The following COLEC10 variants were observed in gnomAD, a reference collection of about 807,000 sequenced individuals.
COLEC10 encodes collectin-10.
COLEC10 carries 22 observed loss-of-function variants against 28.4 expected under a neutral mutation model. The ratio of observed to expected loss-of-function variants is 0.78; its 90% CI spans 0.55 to 1.11. The LOEUF is 1.11. Ranked by LOEUF, COLEC10 falls within the 50% of genes least tolerant of loss-of-function variation. The pLI, the probability that COLEC10 is intolerant of heterozygous loss-of-function variation, is 0.00. For synonymous variants in COLEC10, 125 were observed against 116.1 expected (o/e 1.08, Z -0.49); for missense variants, 361 against 344.1 (o/e 1.05, Z -0.39).
chr8:119,025,351 A>C (rs1462464126), intron 2 of COLEC10, among the ~76,000 whole-genome samples: 1 of 152,158 alleles, frequency 6.6e-6, no homozygotes, highest in Non-Finnish European at 1.5e-5. Context: ...TTGGTACTGC[A>C]CTCTGCTAAG....
chr8:119,097,331 C>T (rs1240952886), intron 3 of COLEC10, among the ~76,000 whole-genome samples: 2 of 151,598 alleles, frequency 1.3e-5, no homozygotes, highest in African/African-American at 2.4e-5. Flanking sequence ...TATCTGACTA[C>T]GTTATCCCTC....
chr8:118,994,147 T>G (rs183501878), upstream of COLEC10, among the ~76,000 whole-genome samples: 1 of 152,192 alleles, frequency 6.6e-6, no homozygotes, highest in Non-Finnish European at 1.5e-5. Flanking sequence ...TCCTCCCATC[T>G]GCTTTCTAAG....
At chr8:118,994,809 T>C (rs753201244), upstream of COLEC10, among the ~76,000 whole-genome samples, 1 of 152,224 alleles carries the variant, frequency 6.6e-6, no homozygotes, top group Non-Finnish European at 1.5e-5. Context: ...GTTATGTATT[T>C]ATTTTAATTA....
chr8:119,062,769 T>G (rs1215942341), upstream of COLEC10, among the ~76,000 whole-genome samples: 5 of 152,208 alleles, frequency 3.3e-5, no homozygotes, highest in African/African-American at 1.2e-4. Flanking sequence ...TGAGAGCCAC[T>G]GTGCCTAGCC....
chr8:119,007,832 T>C (rs1006258741), intron 1 of COLEC10, among the ~76,000 whole-genome samples: 3 of 150,946 alleles, frequency 2.0e-5, no homozygotes, highest in East Asian at 1.9e-4. Context: ...TGCCTTTAGA[T>C]TGATTACTTA....
chr8:119,047,070 C>A (rs1359916747), intron 2 of COLEC10, among the ~76,000 whole-genome samples: 1 of 152,174 alleles, frequency 6.6e-6, no homozygotes, highest in South Asian at 2.1e-4. Flanking sequence ...TTAAGTAATT[C>A]AGCACTTCTA....
chr8:119,086,507 C>T (rs948281160), intron 1 of COLEC10, among the ~76,000 whole-genome samples: 1 of 152,108 alleles, frequency 6.6e-6, no homozygotes, highest in Non-Finnish European at 1.5e-5. Context: ...AAGTTGTTTA[C>T]TTCATCTGTG....
rs574279923 is a variant in COLEC10 at position 119,059,336 on chromosome 8, A to G, written n.236-30344A>G. ...TTTTTTCAAGAAGTTTTATAGTTTT[A>G]TCTTTTATATGTAAGCCTTTGATAC... is the stretch of plus-strand genomic sequence containing the variant. On this transcript the variant is annotated intron_variant and non_coding_transcript_variant, in intron 2 of 6. Coordinates refer to the COLEC10 transcript ENST00000521788. Among the ~76,000 whole-genome samples, 347 of 151,886 alleles carry G rather than the reference A, an allele frequency of 2.3e-3. 3 individuals carry two copies. Among genetic ancestry groups the G allele is most frequent in the African/African-American group, 7.8e-3 (322 of 41,456 alleles).
At chr8:119,063,731 C>CAA (rs60292327), upstream of COLEC10, among the ~76,000 whole-genome samples, 392 of 136,394 alleles carry the variant, frequency 2.9e-3, 3 homozygotes, top group South Asian at 0.014. Context: ...ATTCAATTCA[C>CAA]AAAAAAAAAA....
rs115276634 is a variant in COLEC10, at chr8:119,053,005, G to A, written n.236-36675G>A. On this transcript the variant is annotated intron_variant and non_coding_transcript_variant, in intron 2 of 6. Transcript: ENST00000521788. ...AACGTGGAGGAGGAAAGTCCTGAGC[G>A]AAGACGGCAAAGAGGAAATTCCTAG... 3.7e-3 allele frequency among the ~76,000 whole-genome samples: 557 copies of A among 152,218 alleles called. 3 individuals are homozygous for A. Among genetic ancestry groups the A allele is most frequent in the African/African-American group, 0.013 (520 of 41,540 alleles).
chr8:119,014,749 G>C (rs553595213), intron 2 of COLEC10, among the ~76,000 whole-genome samples: 1 of 150,694 alleles, frequency 6.6e-6, no homozygotes, highest in African/African-American at 2.5e-5. Context: ...CTCTGTTTTT[G>C]TTTGCTTCTT....
At chr8:118,954,117 A>G in the COLEC10 span, among the ~76,000 whole-genome samples, 2 of 152,246 alleles carry the variant, frequency 1.3e-5, no homozygotes, top group African/African-American at 2.4e-5. Flanking sequence ...GTATTCGCTG[A>G]AGCTTTTAGC....
chr8:119,069,953 A>G (rs1001561596), intron 1 of COLEC10, among the ~76,000 whole-genome samples: 1 of 152,080 alleles, frequency 6.6e-6, no homozygotes, highest in African/African-American at 2.4e-5. Context: ...AGTGAAATGA[A>G]TTTTCCCTAA....
At chr8:119,077,689 A>G (rs1815278298) in intron 1 of COLEC10, among the ~76,000 whole-genome samples, 1 of 152,204 alleles carries the variant, frequency 6.6e-6, no homozygotes, top group Non-Finnish European at 1.5e-5. Context: ...TGGAGGAGGA[A>G]CTAACTAAGT....
At chr8:118,979,972 C>T in the COLEC10 span, among the ~76,000 whole-genome samples, 1 of 151,996 alleles carries the variant, frequency 6.6e-6, no homozygotes, top group African/African-American at 2.4e-5. Context: ...TAAGGCTGCT[C>T]AGAACTTGGC....
chr8:118,998,149 G>A (rs1429109958), intron 1 of COLEC10, among the ~76,000 whole-genome samples: 1 of 124,930 alleles, frequency 8.0e-6, no homozygotes, highest in Admixed American at 8.0e-5. Context: ...TCGCAAGGTT[G>A]ACTTAAAAAT....
intron 1 of COLEC10, among the ~76,000 whole-genome samples, chr8:119,001,304 G>T (rs1461642033): frequency 6.6e-6 from 1 of 152,146 alleles, no homozygotes; most frequent in East Asian, 1.9e-4. Context: ...ATTTTGGCTG[G>T]TGATCAAGAA....
At chr8:119,088,902 T>G (rs1437194253) in intron 1 of COLEC10, among the ~76,000 whole-genome samples, 2 of 152,136 alleles carry the variant, frequency 1.3e-5, no homozygotes, top group Admixed American at 6.6e-5. Context: ...CTCCAGTAGG[T>G]GTTATCAGAT....
At chr8:119,082,530 A>G (rs1370806002) in intron 1 of COLEC10, among the ~76,000 whole-genome samples, 1 of 152,178 alleles carries the variant, frequency 6.6e-6, no homozygotes, top group Non-Finnish European at 1.5e-5. Context: ...ACACAATGCA[A>G]TAGGACACTA....
Sources: gnomAD v4.1 joint callset for allele counts (sites outside exome capture counted in the v4.1 genomes callset) on GRCh38, gnomAD v4.1.1 for gene constraint, MANE v1.5 for transcripts, NCBI Gene and HGNC (gene_info 2026-07-23, HGNC 2026-07-21) for gene names.